PAG1: variants seen among roughly 807,000 people sequenced by gnomAD.
PAG1 encodes phosphoprotein membrane anchor with glycosphingolipid microdomains 1.
In PAG1, 23 loss-of-function variants were observed where a neutral mutation model predicts 31.7. The ratio of observed to expected loss-of-function variants is 0.73; its 90% CI spans 0.52 to 1.03. The LOEUF is 1.03. PAG1 is among the 50% of genes least tolerant of loss of function. The probability of loss-of-function intolerance (pLI) is 0.00; values close to 1 mark genes in which losing one functional copy is unlikely to be tolerated. For missense variants in PAG1, 473 were observed against 540.7 expected (o/e 0.87, Z 1.24); for synonymous variants, 214 against 210.3 (o/e 1.02, Z -0.15).
At chr8:81,003,890 G>A (rs575034469) in intron 3 of PAG1, among the ~76,000 whole-genome samples, 54 of 152,262 alleles carry the variant, frequency 3.5e-4, no homozygotes, top group Non-Finnish European at 6.3e-4. Context: ...TGAGGCCACA[G>A]CAGTTAGGTG....
At chr8:81,049,244 A>G (rs1808688884) in intron 2 of PAG1, among the ~76,000 whole-genome samples, 1 of 152,204 alleles carries the variant, frequency 6.6e-6, no homozygotes, top group Admixed American at 6.5e-5. Flanking sequence ...AGTGAATTTA[A>G]TGTGATATAT....
Position 81,055,619 on chromosome 8 carries a change from C to T in PAG1, c.-175+14493G>A, listed in dbSNP as rs1476618363. On this transcript the variant is annotated intron_variant, in intron 2 of 8. Coordinates refer to ENST00000220597, the MANE Select transcript of PAG1 (RefSeq NM_018440.4). ...GAATGTTCTTCCATTTGTTTGTGTCCTCTTTTATTTCGTTGAGCAGTGGTT... is the reference window on the plus strand; with the variant it reads ...GAATGTTCTTCCATTTGTTTGTGTCTTCTTTTATTTCGTTGAGCAGTGGTT... 2.6e-5 allele frequency among the ~76,000 whole-genome samples: 4 copies of T among 151,930 alleles called. No homozygotes were observed. The East Asian group carries it at 7.7e-4, about 29-fold the overall frequency.
intron 3 of PAG1, among the ~76,000 whole-genome samples, chr8:81,013,179 C>G (rs1808013841): frequency 6.6e-6 from 1 of 152,180 alleles, no homozygotes; most frequent in South Asian, 2.1e-4. Flanking sequence ...GGCTCCTCTC[C>G]CTAGCTATGA....
chr8:81,101,803 T>C (rs1809614410), intron 1 of PAG1, among the ~76,000 whole-genome samples: 1 of 152,140 alleles, frequency 6.6e-6, no homozygotes, highest in African/African-American at 2.4e-5. Context: ...AATTTAGACA[T>C]GTTCTATCAT....
At chr8:81,096,109 T>G (rs1414868144) in intron 1 of PAG1, among the ~76,000 whole-genome samples, 1 of 152,192 alleles carries the variant, frequency 6.6e-6, no homozygotes, top group Non-Finnish European at 1.5e-5. Context: ...CAAAATCACC[T>G]CACTTAAATT....
At chr8:81,064,043 T>TGA (rs200977524) in intron 2 of PAG1, among the ~76,000 whole-genome samples, 13,529 of 152,084 alleles carry the variant, frequency 0.089, 2,075 homozygotes, top group African/African-American at 0.31. Flanking sequence ...TTCCTGGAAC[T>TGA]GTTAATAAGA....
intron 1 of PAG1, among the ~76,000 whole-genome samples, chr8:81,101,123 A>G (rs1300244169): frequency 6.6e-6 from 1 of 152,258 alleles, no homozygotes; most frequent in African/African-American, 2.4e-5. Flanking sequence ...GTGTAAGTTT[A>G]GTACATCAGT....
At chr8:81,008,813 CTA>C (rs1430487811) in intron 3 of PAG1, among the ~76,000 whole-genome samples, 2 of 151,954 alleles carry the variant, frequency 1.3e-5, no homozygotes, top group Non-Finnish European at 2.9e-5. Context: ...GCTCAGGACT[CTA>C]TGAGGTAGCA....
intron 2 of PAG1, among the ~76,000 whole-genome samples, chr8:81,033,661 T>C (rs1289721883): frequency 1.3e-5 from 2 of 152,228 alleles, no homozygotes; most frequent in Non-Finnish European, 2.9e-5. Flanking sequence ...TGGTGACTTC[T>C]TAATACTAAT....
intron 2 of PAG1, among the ~76,000 whole-genome samples, chr8:81,046,625 T>C (rs1808646288): frequency 6.6e-6 from 1 of 152,200 alleles, no homozygotes; most frequent in South Asian, 2.1e-4. Context: ...TATGTAGTAA[T>C]CCTGTAATTG....
At chr8:81,106,650 G>A (rs1209588947) in intron 1 of PAG1, among the ~76,000 whole-genome samples, 2 of 152,034 alleles carry the variant, frequency 1.3e-5, no homozygotes, top group African/African-American at 2.4e-5. Flanking sequence ...CAAACTCCAG[G>A]GGATGATATG....
At chr8:80,989,108 T>G (rs1191584050) in intron 5 of PAG1, among the ~76,000 whole-genome samples, 2 of 152,234 alleles carry the variant, frequency 1.3e-5, no homozygotes, top group Admixed American at 6.5e-5. Context: ...GACTCTTGAT[T>G]GGAAGCCAGT....
chr8:81,095,752 C>A (rs1396943768), intron 1 of PAG1, among the ~76,000 whole-genome samples: 1 of 152,180 alleles, frequency 6.6e-6, no homozygotes, highest in Non-Finnish European at 1.5e-5. Flanking sequence ...TAAATGTATG[C>A]TGCATGCCCC....
At chr8:81,060,682 T>C (rs1392916126) in intron 2 of PAG1, among the ~76,000 whole-genome samples, 2 of 152,240 alleles carry the variant, frequency 1.3e-5, no homozygotes, top group African/African-American at 2.4e-5. Flanking sequence ...ATACCTTCTC[T>C]ATATTATTGA....
chr8:81,066,980 G>A lies in PAG1; in HGVS notation c.-175+3132C>T, dbSNP rs560035914. ...GTTTGAGATCAGCCTGGGCAATATG[G>A]TGAGACCCCATCTCTACAAAAAATA... On this transcript the variant is annotated intron_variant, in intron 2 of 8. Transcript: ENST00000220597. Among the ~76,000 whole-genome samples the A allele has an allele frequency of 2.6e-5, 4 of 152,160 alleles. No individual in the cohort carries two copies. The South Asian group carries it at 8.3e-4, about 32-fold the overall frequency.
chr8:80,997,243 A>C (rs1275315971), intron 3 of PAG1, among the ~76,000 whole-genome samples: 1 of 152,120 alleles, frequency 6.6e-6, no homozygotes. Context: ...TGACTCAATA[A>C]ACTTGCATTC....
intron 3 of PAG1, among the ~76,000 whole-genome samples, chr8:81,027,522 T>C (rs1586174182): frequency 6.6e-6 from 1 of 152,230 alleles, no homozygotes; most frequent in Non-Finnish European, 1.5e-5. Flanking sequence ...CTCTACTGTA[T>C]ACTGACACTA....
At chr8:81,074,121 G>T (rs1027186174) in intron 1 of PAG1, among the ~76,000 whole-genome samples, 3 of 152,190 alleles carry the variant, frequency 2.0e-5, no homozygotes, top group African/African-American at 7.2e-5. Context: ...GGTATTTGAG[G>T]TTTGAGGACA....
At chr8:81,090,526 G>A (rs958616566) in intron 1 of PAG1, among the ~76,000 whole-genome samples, 2 of 152,218 alleles carry the variant, frequency 1.3e-5, no homozygotes, top group Admixed American at 6.5e-5. Flanking sequence ...AGTCCAGTGG[G>A]AGAAAGAGAG....
Sources: allele counts gnomAD v4.1 joint callset (sites outside exome capture counted in the v4.1 genomes callset), GRCh38; gene constraint gnomAD v4.1.1; transcripts MANE v1.5; gene names NCBI Gene and HGNC (gene_info 2026-07-23, HGNC 2026-07-21).